The following ERC2 variants were observed in gnomAD, a reference collection of about 807,000 sequenced individuals.
ERC2 encodes ELKS/RAB6-interacting/CAST family member 2.
A neutral mutation model predicts 114.8 loss-of-function variants in ERC2; 42 were observed. The observed-to-expected ratio is 0.37, with a 90% CI of 0.29 to 0.47. The LOEUF is 0.47. ERC2 is among the 20% of genes least tolerant of loss of function. ERC2 has a pLI of 0.99. For synonymous variants in ERC2, 454 were observed against 425.5 expected (o/e 1.07, Z -0.82); for missense variants, 939 against 1,150.7 (o/e 0.82, Z 2.66).
At chr3:56,183,533 C>T (rs997800916) in intron 3 of ERC2, among the ~76,000 whole-genome samples, 2 of 152,242 alleles carry the variant, frequency 1.3e-5, no homozygotes, top group African/African-American at 2.4e-5. Flanking sequence ...GTGTTCCCGA[C>T]AGCACATTAA....
At chr3:56,279,909 C>T (rs1316264682) in intron 3 of ERC2, among the ~76,000 whole-genome samples, 1 of 152,176 alleles carries the variant, frequency 6.6e-6, no homozygotes, top group Non-Finnish European at 1.5e-5. Context: ...TAACGGACCC[C>T]CTCAAAGATG....
chr3:55,912,489 T>C (rs1303860045), intron 13 of ERC2, among the ~76,000 whole-genome samples: 4 of 152,262 alleles, frequency 2.6e-5, no homozygotes, highest in Non-Finnish European at 5.9e-5. Flanking sequence ...CTACTGTATG[T>C]ATGTGTGTGC....
intron 7 of ERC2, among the ~76,000 whole-genome samples, chr3:56,041,567 T>G (rs1430606322): frequency 6.6e-6 from 1 of 152,172 alleles, no homozygotes; most frequent in Non-Finnish European, 1.5e-5. Context: ...AAAGCAGGCA[T>G]TCCCTTCCCC....
At chr3:56,067,251 T>C in intron 7 of ERC2, among the ~76,000 whole-genome samples, 1 of 152,228 alleles carries the variant, frequency 6.6e-6, no homozygotes, top group East Asian at 1.9e-4. Context: ...ATTGTAGTTC[T>C]CCTTGAAGAG....
chr3:56,434,184 T>C (rs1258015695), intron 2 of ERC2, 167 bp downstream of exon 2: 2 of 616,636 alleles, frequency 3.2e-6, no homozygotes, highest in East Asian at 2.8e-5. Context: ...GCTGTAATGG[T>C]ATATTTCCTA....
At chr3:56,311,290 T>TAC (rs1484053205) in intron 2 of ERC2, among the ~76,000 whole-genome samples, 25 of 61,530 alleles carry the variant, frequency 4.1e-4, no homozygotes, top group Middle Eastern at 6.8e-3. Context: ...TATATATATA[T>TAC]ACACACATAT....
intron 2 of ERC2, among the ~76,000 whole-genome samples, chr3:56,306,422 T>G (rs2056229977): frequency 6.6e-6 from 1 of 152,192 alleles, no homozygotes. Context: ...TAGATTATTG[T>G]GCAAAAGAAC....
intron 15 of ERC2, among the ~76,000 whole-genome samples, chr3:55,725,751 T>G (rs1383666221): frequency 6.6e-6 from 1 of 152,216 alleles, no homozygotes; most frequent in Non-Finnish European, 1.5e-5. Flanking sequence ...CAGGTCAGCT[T>G]GATGCTCTGG....
At chr3:56,442,757 C>A (rs1346069494) in intron 1 of ERC2, among the ~76,000 whole-genome samples, 1 of 152,174 alleles carries the variant, frequency 6.6e-6, no homozygotes, top group Non-Finnish European at 1.5e-5. Context: ...CTTCAGAATA[C>A]CTGAAAACAT....
intron 3 of ERC2, among the ~76,000 whole-genome samples, chr3:56,234,776 TAA>T (rs1284063497): frequency 2.6e-5 from 4 of 152,156 alleles, no homozygotes; most frequent in Admixed American, 6.5e-5. Flanking sequence ...GAAGGTGAGA[TAA>T]AGAGACCAAA....
chr3:56,362,666 C>T (rs538897661), intron 2 of ERC2, among the ~76,000 whole-genome samples: 28 of 152,282 alleles, frequency 1.8e-4, no homozygotes, highest in Middle Eastern at 3.4e-3. Context: ...TATCTTGCCT[C>T]TTATGAAAAT....
At position 55,966,892 on chromosome 3, in the gene ERC2, T is replaced by G. The variant is rs80288964; in HGVS notation, c.2268-16332A>C. On this transcript the variant is annotated intron_variant, in intron 12 of 17. Transcript: ENST00000288221. Reference sequence around the variant, plus strand: ...GAAAACTCAGTAAATACCCATTTTTTCCCATCAGAGGACAAACACACAATC... The same window carrying G: ...GAAAACTCAGTAAATACCCATTTTTGCCCATCAGAGGACAAACACACAATC... Among the ~76,000 whole-genome samples, 420 of 152,302 alleles carry G rather than the reference T, an allele frequency of 2.8e-3. 13 individuals carry two copies. The East Asian group carries it at 0.071, about 26-fold the overall frequency.
chr3:55,772,751 C>T (rs2068318091), intron 14 of ERC2, among the ~76,000 whole-genome samples: 1 of 152,180 alleles, frequency 6.6e-6, no homozygotes, highest in Admixed American at 6.5e-5. Flanking sequence ...AAGAGGGTCC[C>T]TTGGGCCTGA....
intron 2 of ERC2, among the ~76,000 whole-genome samples, chr3:56,300,448 G>C (rs1015371706): frequency 2.0e-5 from 3 of 152,056 alleles, no homozygotes; most frequent in Non-Finnish European, 4.4e-5. Context: ...GGGCATGTAG[G>C]AAAACATCCC....
Position 56,024,407 on chromosome 3 carries a change from G to T in ERC2, c.1642-5376C>A, listed in dbSNP as rs2073920599. Among the ~76,000 whole-genome samples, 4 of 152,302 alleles carry T rather than the reference G, an allele frequency of 2.6e-5. No homozygotes were observed. The East Asian group carries it at 5.8e-4, about 22-fold the overall frequency. ...AACTTACTGAATAAACGAAAGAAGT[G>T]AGAAAGGAAGGAACCCTAACAAGAG... On this transcript the variant is annotated intron_variant, in intron 7 of 17. Coordinates refer to ENST00000288221, the MANE Select transcript of ERC2 (RefSeq NM_015576.3).
intron 12 of ERC2, among the ~76,000 whole-genome samples, chr3:55,965,597 T>C (rs1368220416): frequency 6.6e-6 from 1 of 152,232 alleles, no homozygotes; most frequent in Non-Finnish European, 1.5e-5. Context: ...AGTATCTACC[T>C]AACAGACTTC....
At chr3:56,382,194 C>G (rs865858329) in intron 2 of ERC2, among the ~76,000 whole-genome samples, 3 of 152,136 alleles carry the variant, frequency 2.0e-5, no homozygotes, top group African/African-American at 4.8e-5. Context: ...TGCCCCAACA[C>G]GTGTGCCTAC....
chr3:56,144,511 G>A (rs969174818), intron 5 of ERC2, among the ~76,000 whole-genome samples: 1 of 152,172 alleles, frequency 6.6e-6, no homozygotes, highest in African/African-American at 2.4e-5. Context: ...CAAAGATGAT[G>A]TTTATAGTGA....
At chr3:55,869,620 C>T (rs2062482307) in intron 14 of ERC2, among the ~76,000 whole-genome samples, 1 of 152,144 alleles carries the variant, frequency 6.6e-6, no homozygotes, top group Admixed American at 6.5e-5. Context: ...ATGACTCCTT[C>T]CCATCTGGAA....
Sources: gnomAD v4.1 joint callset for allele counts (sites outside exome capture counted in the v4.1 genomes callset) on GRCh38, gnomAD v4.1.1 for gene constraint, MANE v1.5 for transcripts, NCBI Gene and HGNC (gene_info 2026-07-23, HGNC 2026-07-21) for gene names.